The following RBMS3 variants were observed in gnomAD, a reference collection of about 807,000 sequenced individuals.
RBMS3 encodes the protein RNA binding motif single stranded interacting protein 3.
Under a neutral mutation model 66.8 loss-of-function variants are expected in RBMS3, and 27 were observed. The ratio of observed to expected loss-of-function variants is 0.40; its 90% confidence interval spans 0.30 to 0.56. The LOEUF (loss-of-function observed/expected upper bound fraction) is 0.56, where lower values mean the gene tolerates loss of function less well. RBMS3 is among the 20% of genes least tolerant of loss of function. The pLI, the probability that RBMS3 is intolerant of heterozygous loss-of-function variation, is 0.40. For synonymous variants in RBMS3, 188 were observed against 183.0 expected, an observed-to-expected ratio of 1.03 and a Z score of -0.22; for missense variants, 513 against 549.5, an observed-to-expected ratio of 0.93 and a Z score of 0.66.
At chr3:29,570,056 A>C (rs576630126) in intron 3 of RBMS3, among the ~76,000 whole-genome samples, 96 of 152,312 alleles carry the variant, frequency 6.3e-4, no homozygotes, top group African/African-American at 2.2e-3. Context: ...AAACAATTTT[A>C]TTAAAAATTT....
chr3:29,927,724 C>A (rs1223804289), intron 10 of RBMS3, among the ~76,000 whole-genome samples: 1 of 152,156 alleles, frequency 6.6e-6, no homozygotes, highest in Non-Finnish European at 1.5e-5. Flanking sequence ...AGAGAGGCTT[C>A]ATGTGCATGG....
chr3:29,286,110 G>A (rs1278138458), intron 1 of RBMS3, among the ~76,000 whole-genome samples: 10 of 152,192 alleles, frequency 6.6e-5, no homozygotes, highest in East Asian at 3.9e-4. Context: ...ATCTTCCAGC[G>A]ATAGAATTTT....
chr3:29,725,977 G>C (rs189015541), intron 4 of RBMS3, among the ~76,000 whole-genome samples: 2 of 152,082 alleles, frequency 1.3e-5, no homozygotes, highest in Admixed American at 1.3e-4. Flanking sequence ...CTTGCAAACC[G>C]AATCTGGCAG....
chr3:29,877,730 C>T (rs2059641011), intron 7 of RBMS3, among the ~76,000 whole-genome samples: 1 of 152,128 alleles, frequency 6.6e-6, no homozygotes, highest in Admixed American at 6.5e-5. Context: ...CAGTAGTCTC[C>T]TGACTGTGCC....
intron 3 of RBMS3, among the ~76,000 whole-genome samples, chr3:29,532,009 C>T (rs1175420830): frequency 2.6e-5 from 4 of 151,728 alleles, no homozygotes; most frequent in Non-Finnish European, 4.4e-5. Context: ...GAAACGGAGC[C>T]GTTCTAAGTC....
intron 10 of RBMS3, among the ~76,000 whole-genome samples, chr3:29,914,884 T>A (rs1179226883): frequency 6.6e-6 from 1 of 151,826 alleles, no homozygotes; most frequent in East Asian, 1.9e-4. Context: ...AACTTTTTTT[T>A]ATTAAATTGT....
chr3:29,450,021 T>G (rs888297956), intron 2 of RBMS3, among the ~76,000 whole-genome samples: 1 of 152,132 alleles, frequency 6.6e-6, no homozygotes, highest in African/African-American at 2.4e-5. Flanking sequence ...ATTGAGAGTT[T>G]TCTGGGAAAA....
chr3:29,355,741 A>G (rs2037188077), intron 1 of RBMS3, among the ~76,000 whole-genome samples: 1 of 152,132 alleles, frequency 6.6e-6, no homozygotes, highest in African/African-American at 2.4e-5. Context: ...AGTGTATAGT[A>G]CTTCCTTTTT....
chr3:29,918,125 C>T (rs1400013334), intron 10 of RBMS3, among the ~76,000 whole-genome samples: 2 of 151,998 alleles, frequency 1.3e-5, no homozygotes, highest in African/African-American at 2.4e-5. Context: ...CAGTTAACAC[C>T]AACTCTATTT....
intron 3 of RBMS3, among the ~76,000 whole-genome samples, chr3:29,545,006 A>C (rs562827539): frequency 1.3e-5 from 2 of 152,282 alleles, no homozygotes; most frequent in South Asian, 4.1e-4. Context: ...ACTTATCCTA[A>C]GGGAATATTT....
intron 2 of RBMS3, among the ~76,000 whole-genome samples, chr3:29,482,312 A>C (rs1224745902): frequency 1.3e-5 from 2 of 152,206 alleles, no homozygotes; most frequent in African/African-American, 4.8e-5. Flanking sequence ...AGAACCAGCA[A>C]ATAAGTGATT....
intron 4 of RBMS3, among the ~76,000 whole-genome samples, chr3:29,661,373 T>C (rs1387829572): frequency 6.6e-6 from 1 of 152,200 alleles, no homozygotes. Flanking sequence ...CATTATTATT[T>C]CTCAATATGC....
chr3:29,711,041 T>C (rs1204423106), intron 4 of RBMS3, among the ~76,000 whole-genome samples: 1 of 152,272 alleles, frequency 6.6e-6, no homozygotes, highest in East Asian at 1.9e-4. Flanking sequence ...AGCCCCCCAG[T>C]GGATGCCTGA....
chr3:29,871,948 T>C (rs1376543945), intron 7 of RBMS3, among the ~76,000 whole-genome samples: 2 of 152,150 alleles, frequency 1.3e-5, no homozygotes, highest in Non-Finnish European at 2.9e-5. Flanking sequence ...ACACAGAAAT[T>C]AGTATAAATT....
intron 4 of RBMS3, among the ~76,000 whole-genome samples, chr3:29,729,509 A>G (rs992757816): frequency 6.6e-6 from 1 of 152,088 alleles, no homozygotes; most frequent in Non-Finnish European, 1.5e-5. Context: ...ACCCAGTAAT[A>G]GGATTGCTGG....
At chr3:29,944,331 T>A in intron 12 of RBMS3, 77 bp downstream of exon 12, 1 of 1,280,008 alleles carries the variant, frequency 7.8e-7, no homozygotes, top group Non-Finnish European at 1.1e-6. Flanking sequence ...CCAAACTCTT[T>A]AAAGCAGTGA....
chr3:29,662,555 T>G (rs1448087255), intron 4 of RBMS3, among the ~76,000 whole-genome samples: 1 of 152,176 alleles, frequency 6.6e-6, no homozygotes, highest in East Asian at 1.9e-4. Flanking sequence ...GCCAACCTGT[T>G]AACAAAACCA....
At chr3:29,437,312 A>G (rs983066627) in intron 2 of RBMS3, among the ~76,000 whole-genome samples, 1 of 152,248 alleles carries the variant, frequency 6.6e-6, no homozygotes, top group Non-Finnish European at 1.5e-5. Flanking sequence ...TGCTGTGTCA[A>G]TATCCATTTC....
intron 8 of RBMS3, among the ~76,000 whole-genome samples, chr3:29,886,724 A>G (rs1046072379): frequency 5.3e-5 from 8 of 151,548 alleles, no homozygotes; most frequent in African/African-American, 1.9e-4. Context: ...TTTTAGCAAC[A>G]GAGTGGTGTA....
Sources: gnomAD v4.1 joint callset for allele counts (sites outside exome capture counted in the v4.1 genomes callset) on GRCh38, gnomAD v4.1.1 for gene constraint, MANE v1.5 for transcripts, NCBI Gene and HGNC (gene_info 2026-07-23, HGNC 2026-07-21) for gene names.